TEAD1: variants seen among roughly 807,000 people sequenced by gnomAD.
The protein encoded by TEAD1 is transcriptional enhancer factor TEF-1.
In TEAD1, 9 loss-of-function variants were observed where a neutral mutation model predicts 54.9. The ratio of observed to expected loss-of-function variants is 0.16; its 90% CI spans 0.10 to 0.29. The LOEUF is 0.29. Ranked by LOEUF, TEAD1 falls within the 10% of genes least tolerant of loss-of-function variation. TEAD1 has a pLI of 1.00. For missense variants in TEAD1, 387 were observed against 535.9 expected (o/e 0.72, Z 2.74); for synonymous variants, 200 against 187.8 (o/e 1.07, Z -0.53).
At chr11:12,685,762 C>A (rs1043979899) in intron 2 of TEAD1, among the ~76,000 whole-genome samples, 7 of 152,054 alleles carry the variant, frequency 4.6e-5, no homozygotes, top group Non-Finnish European at 8.8e-5. Flanking sequence ...TTTAAACAAT[C>A]CAGTAACTAA....
chr11:12,848,847 G>A (rs1409413024), intron 3 of TEAD1: 2 of 151,974 alleles, frequency 1.3e-5, no homozygotes, highest in African/African-American at 2.4e-5. Flanking sequence ...CTACTCAGGA[G>A]ACTGAGGTGG....
intron 3 of TEAD1, among the ~76,000 whole-genome samples, chr11:12,783,129 TGTGTGC>T (rs1053933452): frequency 8.1e-5 from 12 of 148,206 alleles, no homozygotes; most frequent in African/African-American, 3.1e-4. Context: ...TGTGTGTGTG[TGTGTGC>T]GCGCACTTTC....
chr11:12,873,085 T>TC (rs2134084687), intron 5 of TEAD1, among the ~76,000 whole-genome samples: 1 of 152,300 alleles, frequency 6.6e-6, no homozygotes, highest in African/African-American at 2.4e-5. Context: ...AGAGTACTGG[T>TC]CCAGGATGAG....
At chr11:12,747,984 CAG>C (rs1479725614) in intron 2 of TEAD1, among the ~76,000 whole-genome samples, 1 of 145,804 alleles carries the variant, frequency 6.9e-6, no homozygotes, top group East Asian at 2.0e-4. Flanking sequence ...TTTTTTGAGA[CAG>C]AGTCTTGCTC....
At chr11:12,845,736 C>G (rs1456180906) in intron 3 of TEAD1, among the ~76,000 whole-genome samples, 8 of 152,224 alleles carry the variant, frequency 5.3e-5, no homozygotes, top group East Asian at 1.9e-4. Flanking sequence ...ACGTGTCTTG[C>G]ACTAGCCAAG....
chr11:12,882,977 C>G (rs370073572), intron 8 of TEAD1, 24 bp from the exon 9 acceptor site: 47 of 1,614,006 alleles, frequency 2.9e-5, no homozygotes, highest in Non-Finnish European at 4.0e-5. Context: ...TGACCAGCAT[C>G]AAAGGTGACG....
intron 9 of TEAD1, among the ~76,000 whole-genome samples, chr11:12,893,272 A>G (rs1178140082): frequency 6.6e-6 from 1 of 152,154 alleles, no homozygotes; most frequent in Non-Finnish European, 1.5e-5. Flanking sequence ...GTCTTCCAGC[A>G]GGACGTAGGA....
In TEAD1 at chr11:12,814,257, C is replaced by T. The variant is rs544349447; in HGVS notation, c.203-47993C>T. On this transcript the variant is annotated intron_variant, in intron 3 of 12. Coordinates refer to ENST00000527636, the MANE Select transcript of TEAD1 (RefSeq NM_021961.6). ...TGGACGCCCGGGGAGTTCAAGCGAGCCTCTGTCCTCAGTGATGGAGTCCTG... is the reference window on the plus strand; with the variant it reads ...TGGACGCCCGGGGAGTTCAAGCGAGTCTCTGTCCTCAGTGATGGAGTCCTG... Among the ~76,000 whole-genome samples, 3 of 152,304 alleles carry T rather than the reference C, an allele frequency of 2.0e-5. No individual in the cohort carries two copies. The East Asian group carries it at 5.8e-4, about 29-fold the overall frequency.
intron 3 of TEAD1, among the ~76,000 whole-genome samples, chr11:12,804,369 G>A (rs1001202479): frequency 2.6e-5 from 4 of 152,214 alleles, no homozygotes; most frequent in Non-Finnish European, 4.4e-5. Flanking sequence ...CCCCAGGCTA[G>A]CTTCGCTTCT....
At chr11:12,877,846 G>A (rs564458093) in intron 5 of TEAD1, among the ~76,000 whole-genome samples, 87 of 142,846 alleles carry the variant, frequency 6.1e-4, no homozygotes, top group Middle Eastern at 3.7e-3. Context: ...CCAGGCTTGA[G>A]TGCAGTGGCT....
chr11:12,789,766 A>ACGGCTGGGCTCGGCTGGGCT (rs1007232753), intron 3 of TEAD1, among the ~76,000 whole-genome samples: 1 of 152,230 alleles, frequency 6.6e-6, no homozygotes, highest in Non-Finnish European at 1.5e-5. Flanking sequence ...GTTGGGTTGT[A>ACGGCTGGGCTCGGCTGGGCT]CGGCTGGGCT....
chr11:12,814,240 C>T (rs576887809), intron 3 of TEAD1, among the ~76,000 whole-genome samples: 6 of 152,226 alleles, frequency 3.9e-5, no homozygotes, highest in South Asian at 4.1e-4. Flanking sequence ...CCTGGACGCC[C>T]GGGGAGTTCA....
chr11:12,767,083 G>T (rs1945221914), intron 3 of TEAD1, among the ~76,000 whole-genome samples: 1 of 152,134 alleles, frequency 6.6e-6, no homozygotes, highest in Non-Finnish European at 1.5e-5. Flanking sequence ...CCCTTAAGAG[G>T]AACTGCCCTG....
At chr11:12,846,894 T>C (rs1464386160) in intron 3 of TEAD1, among the ~76,000 whole-genome samples, 1 of 152,208 alleles carries the variant, frequency 6.6e-6, no homozygotes, top group Non-Finnish European at 1.5e-5. Context: ...ACATGTCCTC[T>C]TTCATTGCCA....
chr11:12,816,210 G>T (rs1946411308), intron 3 of TEAD1, among the ~76,000 whole-genome samples: 1 of 152,180 alleles, frequency 6.6e-6, no homozygotes, highest in East Asian at 1.9e-4. Flanking sequence ...GTCCCACTTT[G>T]AGGCTGGATG....
chr11:12,881,156 A>G, intron 7 of TEAD1, 105 bp downstream of exon 7: 1 of 1,283,936 alleles, frequency 7.8e-7, no homozygotes, highest in Non-Finnish European at 1.1e-6. Context: ...AGGAGAAAGG[A>G]GCATTACACT....
At chr11:12,676,759 T>G (rs1463132453) in intron 2 of TEAD1, among the ~76,000 whole-genome samples, 1 of 152,236 alleles carries the variant, frequency 6.6e-6, no homozygotes, top group East Asian at 1.9e-4. Flanking sequence ...GTCACAGATA[T>G]TTTTCTTTAG....
At chr11:12,882,576 C>T (rs1176355262) in intron 8 of TEAD1, among the ~76,000 whole-genome samples, 1 of 152,150 alleles carries the variant, frequency 6.6e-6, no homozygotes, top group Non-Finnish European at 1.5e-5. Flanking sequence ...ACGGAGCATT[C>T]AGAGAGAATA....
chr11:12,834,504 TTGA>T (rs1946844063), intron 3 of TEAD1, among the ~76,000 whole-genome samples: 1 of 152,224 alleles, frequency 6.6e-6, no homozygotes, highest in Non-Finnish European at 1.5e-5. Flanking sequence ...ACAGCCTCTG[TTGA>T]CTTTTATGAT....
Sources: allele counts gnomAD v4.1 joint callset (sites outside exome capture counted in the v4.1 genomes callset), GRCh38; gene constraint gnomAD v4.1.1; transcripts MANE v1.5; gene names NCBI Gene and HGNC (gene_info 2026-07-23, HGNC 2026-07-21).